The following GPR89A variants were observed in gnomAD, a reference collection of about 807,000 sequenced individuals.
The protein encoded by GPR89A is G protein-coupled receptor 89A.
In GPR89A, 16 loss-of-function variants were observed where a neutral mutation model predicts 52.0. That is an observed-to-expected ratio of 0.31 (90% confidence interval 0.21 to 0.47). GPR89A has a LOEUF of 0.47. Ranked by LOEUF, GPR89A falls within the 20% of genes least tolerant of loss-of-function variation. GPR89A has a pLI of 1.00. For missense variants in GPR89A, 135 were observed against 449.4 expected (o/e 0.30, Z 6.33); for synonymous variants, 55 against 150.9 (o/e 0.36, Z 4.66).
At chr1:145,617,947 G>T (rs587732251) in intron 2 of GPR89A, among the ~76,000 whole-genome samples, 4 of 151,382 alleles carry the variant, frequency 2.6e-5, no homozygotes, top group African/African-American at 9.7e-5. Context: ...CCCGAGGAAG[G>T]TTCCAGAACT....
At chr1:145,620,098 G>T (rs1467355228) in intron 3 of GPR89A, among the ~76,000 whole-genome samples, 18 of 151,930 alleles carry the variant, frequency 1.2e-4, no homozygotes, top group Admixed American at 6.6e-5. Flanking sequence ...GAATAGACAG[G>T]TATTATTTTA....
intron 1 of GPR89A, 92 bp from the exon 2 acceptor site, chr1:145,616,142 C>G: frequency 1.4e-6 from 1 of 737,594 alleles, no homozygotes; most frequent in Non-Finnish European, 2.3e-6. Flanking sequence ...AGTTAACCGT[C>G]TAGTTAGCAG....
chr1:145,639,233 C>T (rs1468775692), intron 7 of GPR89A, among the ~76,000 whole-genome samples: 72 of 151,732 alleles, frequency 4.7e-4, no homozygotes, highest in African/African-American at 1.7e-3. Flanking sequence ...TAATGTTATT[C>T]ATTTCAAAAT....
At chr1:145,626,395 C>T (rs1272936548) in intron 5 of GPR89A, among the ~76,000 whole-genome samples, 14 of 151,854 alleles carry the variant, frequency 9.2e-5, no homozygotes, top group Admixed American at 7.9e-4. Flanking sequence ...TTTCTAAATT[C>T]TATGGGATTA....
intron 12 of GPR89A, among the ~76,000 whole-genome samples, chr1:145,667,979 G>T (rs1292199906): frequency 6.6e-6 from 1 of 152,198 alleles, no homozygotes; most frequent in Non-Finnish European, 1.5e-5. Context: ...CTGTAGCCTT[G>T]TAGTATAGCT....
chr1:145,617,614 G>A, intron 2 of GPR89A, among the ~76,000 whole-genome samples: 1 of 152,056 alleles, frequency 6.6e-6, no homozygotes, highest in Non-Finnish European at 1.5e-5. Flanking sequence ...AATTATAAAA[G>A]TATTAATTTT....
chr1:145,667,155 T>G (rs149114538), intron 12 of GPR89A, among the ~76,000 whole-genome samples: 1 of 152,100 alleles, frequency 6.6e-6, no homozygotes, highest in East Asian at 1.9e-4. Context: ...CTTGAGGAAT[T>G]GCCACACTGC....
At position 145,608,023 on chromosome 1, in the gene GPR89A, C is replaced by T; in HGVS notation, c.-111C>T. The T allele has an allele frequency of 7.6e-7, 1 of 1,312,818 alleles. No homozygotes were observed. The highest frequency in any genetic ancestry group is 1.1e-6 in the Non-Finnish European group (1 of 935,316). The allele number at this position is 1,312,818 out of a possible 1,614,324, so 81.3% of individuals were successfully genotyped here. A position where few individuals can be genotyped will look rare whatever the true frequency, so the allele number is the denominator to read the frequency against. On this transcript the variant is annotated 5_prime_UTR_variant, in exon 1 of 14. Transcript: ENST00000313835. The stretch of plus-strand genomic sequence containing the variant: ...GGCGTCGGGCTGGAGAGCCGCAGTC[C>T]CGGCTGCAGCACCTGGGAGAAGGCA...
intron 10 of GPR89A, among the ~76,000 whole-genome samples, chr1:145,647,534 TG>T (rs1406835262): frequency 1.3e-5 from 2 of 151,830 alleles, no homozygotes; most frequent in African/African-American, 4.8e-5. Context: ...CCGGGCATGG[TG>T]GCTCATGCCT....
At chr1:145,636,043 G>A (rs1414550215) in intron 7 of GPR89A, among the ~76,000 whole-genome samples, 1 of 151,898 alleles carries the variant, frequency 6.6e-6, no homozygotes, top group Admixed American at 6.6e-5. Context: ...CTAAGGAATT[G>A]ACTCTGATCT....
chr1:145,609,979 T>C (rs1648137987), intron 1 of GPR89A, among the ~76,000 whole-genome samples: 1 of 152,186 alleles, frequency 6.6e-6, no homozygotes, highest in Admixed American at 6.5e-5. Context: ...TCTTCCTCAT[T>C]TCCATGTTTT....
intron 1 of GPR89A, among the ~76,000 whole-genome samples, chr1:145,614,396 G>T (rs1394615933): frequency 6.6e-6 from 1 of 151,930 alleles, no homozygotes; most frequent in African/African-American, 2.4e-5. Context: ...TCACTATATT[G>T]TGAGCTCCTA....
intron 7 of GPR89A, among the ~76,000 whole-genome samples, chr1:145,641,146 T>C (rs1571508584): frequency 1.3e-5 from 2 of 151,318 alleles, no homozygotes; most frequent in East Asian, 3.8e-4. Context: ...ACCCCAACAA[T>C]TGCACTCCTG....
At chr1:145,621,949 G>A (rs1449380252) in intron 3 of GPR89A, among the ~76,000 whole-genome samples, 1 of 146,294 alleles carries the variant, frequency 6.8e-6, no homozygotes, top group East Asian at 2.1e-4. Context: ...CGAGGCTGAG[G>A]AGAAACTGGA....
intron 10 of GPR89A, among the ~76,000 whole-genome samples, chr1:145,660,913 C>T (rs587719938): frequency 4.8e-4 from 73 of 151,830 alleles, no homozygotes; most frequent in African/African-American, 1.7e-3. Flanking sequence ...CTTCAGGGAT[C>T]TAGAACTAGA....
intron 7 of GPR89A, among the ~76,000 whole-genome samples, chr1:145,640,985 G>A (rs2101796136): frequency 6.6e-6 from 1 of 151,512 alleles, no homozygotes; most frequent in East Asian, 1.9e-4. Flanking sequence ...TATCAGAATA[G>A]CTAAAATAAA....
chr1:145,624,297 C>CA (rs1202391744), intron 5 of GPR89A, among the ~76,000 whole-genome samples: 3 of 125,360 alleles, frequency 2.4e-5, no homozygotes, highest in African/African-American at 6.6e-5. Flanking sequence ...TCCCCTCTAA[C>CA]AAAAAAAGTT....
At chr1:145,669,720 C>T (rs371855211) in intron 13 of GPR89A, 30 bp downstream of exon 13, 38 of 1,611,340 alleles carry the variant, frequency 2.4e-5, no homozygotes, top group Non-Finnish European at 3.2e-5. Flanking sequence ...TTTATGTTTA[C>T]AGCTGTAAAA....
intron 1 of GPR89A, chr1:145,608,433 G>C: frequency 1.5e-6 from 1 of 647,432 alleles, no homozygotes; most frequent in Non-Finnish European, 2.7e-6. Flanking sequence ...TTTGGAAGCG[G>C]TCCGCCGACC....
Sources: gnomAD v4.1 joint callset for allele counts (sites outside exome capture counted in the v4.1 genomes callset) on GRCh38, gnomAD v4.1.1 for gene constraint, MANE v1.5 for transcripts, NCBI Gene and HGNC (gene_info 2026-07-23, HGNC 2026-07-21) for gene names.